Variants in THBS4 observed in about 807,000 individuals in gnomAD.
THBS4 encodes the protein thrombospondin-4.
THBS4 carries 90 observed loss-of-function variants against 115.7 expected under a neutral mutation model. That is an observed-to-expected ratio of 0.78 (90% CI 0.66 to 0.93). The LOEUF (loss-of-function observed/expected upper bound fraction) is 0.93. Ranked by LOEUF, THBS4 falls within the 40% of genes least tolerant of loss-of-function variation. THBS4 has a pLI of 0.00. For synonymous variants in THBS4, 460 were observed against 479.3 expected (o/e 0.96, Z 0.53); for missense variants, 1,087 against 1,232.7 (o/e 0.88, Z 1.77).
chr5:80,060,206 T>C (rs1298997120), intron 7 of THBS4, among the ~76,000 whole-genome samples: 1 of 152,252 alleles, frequency 6.6e-6, no homozygotes, highest in Non-Finnish European at 1.5e-5. Flanking sequence ...TTAAATAGTC[T>C]GTGCTACAAT....
chr5:80,048,837 T>C lies in THBS4; in HGVS notation c.293-6948T>C, dbSNP rs150773025. 1.5e-3 allele frequency among the ~76,000 whole-genome samples: 232 copies of C among 152,330 alleles called. 1 individual carries two copies. Among genetic ancestry groups the C allele is most frequent in the African/African-American group, 5.1e-3 (214 of 41,576 alleles). On this transcript the variant is annotated intron_variant, in intron 2 of 21. Coordinates refer to ENST00000350881, the MANE Select transcript of THBS4 (RefSeq NM_003248.6). The stretch of plus-strand genomic sequence containing the variant: ...TTACAAAGACCTAGTGTATAGGGCA[T>C]GAAGATGAATAAGCAAAGGCAAACA...
chr5:79,991,482 G>C, intron 1 of THBS4: 1 of 423,962 alleles, frequency 2.4e-6, no homozygotes, highest in Non-Finnish European at 4.1e-6. Context: ...TAGATCCCTA[G>C]AGTGTTCCAA....
At chr5:80,047,636 T>A (rs556841041) in intron 2 of THBS4, among the ~76,000 whole-genome samples, 17,563 of 149,456 alleles carry the variant, frequency 0.12, 1,214 homozygotes, top group Middle Eastern at 0.21. Flanking sequence ...ATTAAGAATT[T>A]TTTTTTTTTT....
At chr5:80,024,151 T>C (rs979134212) in intron 2 of THBS4, among the ~76,000 whole-genome samples, 2 of 152,204 alleles carry the variant, frequency 1.3e-5, no homozygotes, top group African/African-American at 4.8e-5. Flanking sequence ...AACAGTACTA[T>C]TGGCTTTTCC....
intron 2 of THBS4, among the ~76,000 whole-genome samples, chr5:80,022,669 C>T (rs1832401086): frequency 1.3e-5 from 2 of 152,132 alleles, no homozygotes; most frequent in Admixed American, 6.5e-5. Context: ...ATTGTGAATT[C>T]AGAATTCTAC....
chr5:80,077,410 GGATA>G (rs1743270472), intron 16 of THBS4, among the ~76,000 whole-genome samples: 1 of 152,206 alleles, frequency 6.6e-6, no homozygotes, highest in Non-Finnish European at 1.5e-5. Context: ...AAAAGGAGCA[GGATA>G]GAGAGAATGG....
chr5:80,036,370 C>T (rs930899016), intron 1 of THBS4, among the ~76,000 whole-genome samples: 5 of 152,094 alleles, frequency 3.3e-5, no homozygotes. Flanking sequence ...ACACTGGGGA[C>T]TCCAAAAGTA....
Position 80,054,155 on chromosome 5 carries a change from TTTTC to T in THBS4, c.293-1626_293-1623del, listed in dbSNP as rs200584457. On this transcript the variant is annotated intron_variant, in intron 2 of 21. Transcript: ENST00000350881. ...ACAACCATGGATACCTTTTCTTTTC[TTTTC>T]TTTTTTTTTTTTTTTGAGACAGGAT... Among the ~76,000 whole-genome samples, 88 of 102,016 alleles carry T rather than the reference TTTTC, an allele frequency of 8.6e-4. 1 individual carries two copies. The highest frequency in any genetic ancestry group is 2.8e-3 in the African/African-American group (65 of 23,322). The allele number at this position is 102,016 out of a possible 152,430, so 66.9% of individuals were successfully genotyped here. A position where few individuals can be genotyped will look rare whatever the true frequency, so the allele number is the denominator to read the frequency against.
At chr5:80,032,102 A>C (rs1468268379), upstream of THBS4, among the ~76,000 whole-genome samples, 1 of 152,216 alleles carries the variant, frequency 6.6e-6, no homozygotes, top group Non-Finnish European at 1.5e-5. Flanking sequence ...ATGTAAGTAC[A>C]TGAATAGATA....
chr5:80,010,600 G>T (rs1232954512), intron 2 of THBS4, among the ~76,000 whole-genome samples: 1 of 152,236 alleles, frequency 6.6e-6, no homozygotes, highest in Non-Finnish European at 1.5e-5. Context: ...TGCTGGGTGG[G>T]TCCCCCAGGA....
intron 17 of THBS4, 48 bp from the exon 18 acceptor site, chr5:80,078,873 A>G: frequency 6.3e-7 from 1 of 1,585,836 alleles, no homozygotes; most frequent in Non-Finnish European, 8.6e-7. Flanking sequence ...CCTTAAGGTT[A>G]CTTGGCCCCT....
In THBS4 at chr5:80,071,134, T is replaced by C. The variant is rs751036951; in HGVS notation, c.1674T>C (p.Asp558=). The change falls in exon 13 of 22, where the codon GAT becomes GAC. Residue 558 remains aspartate (D), a synonymous_variant. Transcript: ENST00000350881. The part of the protein sequence containing the change: ...SVLNNDQKDT[D]GDGRGDACDD... Reference sequence around the variant, plus strand: ...TAAATAACGACCAGAAAGACACCGATGGGGATGGAAGAGGAGATGCCTGTG... The same window carrying C: ...TAAATAACGACCAGAAAGACACCGACGGGGATGGAAGAGGAGATGCCTGTG... 4 of 1,607,134 alleles carry C rather than the reference T, an allele frequency of 2.5e-6. No homozygotes were observed. Among genetic ancestry groups the C allele is most frequent in the Non-Finnish European group, 3.4e-6 (4 of 1,178,320 alleles).
intron 1 of THBS4, among the ~76,000 whole-genome samples, chr5:80,038,921 T>C (rs1832802479): frequency 6.6e-6 from 1 of 152,246 alleles, no homozygotes; most frequent in African/African-American, 2.4e-5. Flanking sequence ...TTGAGTACTG[T>C]TGTATTTACT....
At chr5:80,058,853 A>G in intron 5 of THBS4, 63 bp downstream of exon 5, 1 of 1,504,992 alleles carries the variant, frequency 6.6e-7, no homozygotes, top group African/African-American at 1.4e-5. Context: ...CCCACAAGCT[A>G]GTGGAGCTGC....
Position 80,035,573 on chromosome 5 carries a change from G to C in THBS4, c.36G>C (p.Leu12=). ...LAPRGAAVLL[L]HLVLQRWLAA... is the part of the protein sequence containing the mutation. ...CGCGCGGAGCCGCCGTCCTCCTGCT[G>C]CACCTGGTCCTGCAGCGGTGGCTAG... The change falls in exon 1 of 22, where the codon CTG becomes CTC. Residue 12 remains leucine, a synonymous_variant. Transcript: ENST00000350881. The surrounding 1 kb of genome is among the most constrained non-coding windows in gnomAD (Gnocchi z 4.6). 6.9e-7 allele frequency: 1 copy of C among 1,440,494 alleles called. No individual in the cohort carries two copies. The allele number at this position is 1,440,494 out of a possible 1,614,324, so 89.2% of individuals were successfully genotyped here.
rs1833571636 is a variant in THBS4, at chr5:80,059,851, G to T, written c.933G>T (p.Gly311=). The change falls in exon 7 of 22, where the codon GGG becomes GGT. Residue 311 remains glycine, a synonymous_variant. Coordinates refer to ENST00000350881, the MANE Select transcript of THBS4 (RefSeq NM_003248.6). ...CTDSRDGFQC[G]PCPEGYTGNG... is the part of the protein sequence containing the mutation. ...ACAGTAGAGATGGCTTCCAGTGTGG[G>T]CCCTGCCCCGAGGGCTACACAGGAA... The T allele has an allele frequency of 2.5e-6, 4 of 1,614,110 alleles. No homozygotes were observed. The South Asian group carries it at 3.3e-5, about 13-fold the overall frequency.
At position 80,058,754 on chromosome 5, in the gene THBS4, A is replaced by G. The variant is rs1416967036; in HGVS notation, c.696A>G (p.Gln232=). ...TGGGTCAAATGACACAATTAAACCA[A>G]CTCCTGGGAGAGGTGAAGGACCTTC... ...QFLGQMTQLN[Q]LLGEVKDLLR... Residue 232 remains glutamine, a synonymous_variant, in exon 5 of 22, where the codon CAA becomes CAG. Coordinates refer to ENST00000350881, the MANE Select transcript of THBS4 (RefSeq NM_003248.6). 24 of 1,613,844 alleles carry G rather than the reference A, an allele frequency of 1.5e-5. No homozygotes were observed. The highest frequency in any genetic ancestry group is 1.9e-5 in the Non-Finnish European group (22 of 1,179,964).
chr5:80,013,477 A>C (rs757936564), intron 2 of THBS4, among the ~76,000 whole-genome samples: 1 of 152,198 alleles, frequency 6.6e-6, no homozygotes, highest in Non-Finnish European at 1.5e-5. Context: ...GGGTCTAGCC[A>C]GGATCCTGCA....
intron 9 of THBS4, chr5:80,067,353 T>C (rs1243599656): frequency 1.3e-5 from 2 of 151,656 alleles, no homozygotes. Flanking sequence ...TTTAAACATA[T>C]TGTATAATAT....
Sources: allele counts gnomAD v4.1 joint callset (sites outside exome capture counted in the v4.1 genomes callset), GRCh38; gene constraint gnomAD v4.1.1; non-coding constraint Gnocchi (gnomAD v3.1); transcripts MANE v1.5; gene names NCBI Gene and HGNC (gene_info 2026-07-23, HGNC 2026-07-21).